Variants in FLACC1 observed in about 807,000 individuals in gnomAD.
FLACC1 encodes the protein flagellum-associated coiled-coil domain-containing protein 1.
A neutral mutation model predicts 62.8 loss-of-function variants in FLACC1; 66 were observed. The ratio of observed to expected loss-of-function variants is 1.05; its 90% confidence interval spans 0.86 to 1.29. The LOEUF (loss-of-function observed/expected upper bound fraction) is 1.29. Among genes scored for constraint, FLACC1 ranks in the 50% most tolerant of loss-of-function variants. The pLI is 0.00. For missense variants in FLACC1, 452 were observed against 489.1 expected (o/e 0.92, Z 0.71); for synonymous variants, 156 against 161.0 (o/e 0.97, Z 0.24).
chr2:201,350,749 G>A lies in FLACC1; in HGVS notation c.147C>T (p.His49=). Reference sequence around the variant, plus strand: ...CAGGTTTTGTTGGTTGGAGGTAATTGTGATTTTTTGGAGCTGGTACAAGAG... The same window carrying A: ...CAGGTTTTGTTGGTTGGAGGTAATTATGATTTTTTGGAGCTGGTACAAGAG... The part of the protein sequence containing the change: ...LTPLVPAPKN[H]NYLQPTKPVV... Residue 49 remains histidine, a synonymous_variant, in exon 3 of 15, where the codon CAC becomes CAT. Coordinates refer to ENST00000392257, the MANE Select transcript of FLACC1 (RefSeq NM_001127391.3). The A allele has an allele frequency of 2.5e-6, 4 of 1,613,712 alleles. No individual in the cohort carries two copies. The highest frequency in any genetic ancestry group is 3.4e-6 in the Non-Finnish European group (4 of 1,179,654).
chr2:201,350,912 T>C lies in FLACC1; in HGVS notation c.114-130A>G, dbSNP rs79541842. ...TGCATGATCTGATAGCTGGAATCTT[T>C]AAAATCTGAGGCCTTTAAAACTCAG... On this transcript the variant is annotated intron_variant, in intron 2 of 14. Transcript: ENST00000392257. 1.7e-3 allele frequency: 1,277 copies of C among 771,576 alleles called. 2 individuals carry two copies. The highest frequency in any genetic ancestry group is 2.3e-3 in the Non-Finnish European group (1,088 of 478,482). 47.8% of individuals were successfully genotyped at this position (771,576 alleles called of 1,614,324 possible).
chr2:201,334,157 T>C (rs1043114634), intron 7 of FLACC1, among the ~76,000 whole-genome samples: 1 of 140,796 alleles, frequency 7.1e-6, no homozygotes, highest in Non-Finnish European at 1.5e-5. Context: ...ATTTCTCTGA[T>C]GGCCAGTGAA....
chr2:201,307,378 C>T (rs1412278621), intron 11 of FLACC1, 141 bp downstream of exon 11: 1 of 681,860 alleles, frequency 1.5e-6, no homozygotes, highest in Admixed American at 2.4e-5. Flanking sequence ...AGTCTATTTG[C>T]ATACATTTCC....
chr2:201,348,195 T>C (rs1950955584), intron 4 of FLACC1, 59 bp downstream of exon 4: 1 of 1,540,648 alleles, frequency 6.5e-7, no homozygotes, highest in Non-Finnish European at 8.9e-7. Context: ...GGCCCATGCT[T>C]GCACATAGTA....
Position 201,307,755 on chromosome 2 carries a change from G to A in FLACC1, c.776-133C>T, listed in dbSNP as rs972483808. The A allele has an allele frequency of 1.3e-5, 9 of 704,296 alleles. No individual in the cohort carries two copies. In the African/African-American group the frequency reaches 1.6e-4, roughly 12 times the overall value. The allele number at this position is 704,296 out of a possible 1,614,324, so 43.6% of individuals were successfully genotyped here. A position where few individuals can be genotyped will look rare whatever the true frequency, so the allele number is the denominator to read the frequency against. On this transcript the variant is annotated intron_variant, in intron 10 of 14. Transcript: ENST00000392257. Reference sequence around the variant, plus strand: ...TCAAGGTCATTGCAGCCTGGTGTTTGGCCTCTGACACTCACCTGAAGGTGC... The same window carrying A: ...TCAAGGTCATTGCAGCCTGGTGTTTAGCCTCTGACACTCACCTGAAGGTGC...
intron 7 of FLACC1, among the ~76,000 whole-genome samples, chr2:201,338,282 T>A (rs1219184344): frequency 2.6e-5 from 4 of 152,342 alleles, no homozygotes; most frequent in Admixed American, 6.5e-5. Flanking sequence ...AATTTATTAG[T>A]TCTAAGAGTT....
chr2:201,346,901 G>A lies in FLACC1; in HGVS notation c.235-226C>T, dbSNP rs1421335768. Among the ~76,000 whole-genome samples, 5 of 152,060 alleles carry A rather than the reference G, an allele frequency of 3.3e-5. No individual in the cohort carries two copies. Among genetic ancestry groups the A allele is most frequent in the African/African-American group, 1.2e-4 (5 of 41,392 alleles). On this transcript the variant is annotated intron_variant, in intron 4 of 14. Transcript: ENST00000392257. The surrounding 1 kb of genome is among the most constrained non-coding windows in gnomAD (Gnocchi z 4.0). ...TCCCTAGGGGCCTCTCAAGCTCTGC[G>A]CCAAACCAAGCCACTGATGCCCCTG...
At chr2:201,300,215 AC>A (rs1330048364) in intron 11 of FLACC1, among the ~76,000 whole-genome samples, 2 of 152,062 alleles carry the variant, frequency 1.3e-5, no homozygotes, top group African/African-American at 4.8e-5. Flanking sequence ...AAATCGGGTC[AC>A]TCCCACCCTA....
intron 7 of FLACC1, among the ~76,000 whole-genome samples, chr2:201,340,110 A>T (rs571373580): frequency 1.3e-5 from 2 of 152,206 alleles, no homozygotes; most frequent in Admixed American, 1.3e-4. Flanking sequence ...CCCTGGGAGG[A>T]GTGCTCATGT....
At chr2:201,355,347 G>T (rs1409213339) in intron 1 of FLACC1, among the ~76,000 whole-genome samples, 2 of 152,086 alleles carry the variant, frequency 1.3e-5, no homozygotes, top group African/African-American at 4.8e-5. Flanking sequence ...AGATGAAACT[G>T]CCAAAATGTT....
intron 11 of FLACC1, among the ~76,000 whole-genome samples, chr2:201,304,597 G>T (rs1004647784): frequency 3.3e-5 from 5 of 152,084 alleles, no homozygotes; most frequent in Non-Finnish European, 7.4e-5. Flanking sequence ...TGGTTCATTT[G>T]GAACCATAAA....
chr2:201,307,958 AGCTCTTG>A lies in FLACC1; in HGVS notation c.776-343_776-337del, dbSNP rs537332715. On this transcript the variant is annotated intron_variant, in intron 10 of 14. Coordinates refer to ENST00000392257, the MANE Select transcript of FLACC1 (RefSeq NM_001127391.3). ...CATGGATATCCTTATCTTAAAATAA[AGCTCTTG>A]GCTAACATTACTTTGCCAGCAATAA... Among the ~76,000 whole-genome samples the A allele has an allele frequency of 4.8e-4, 73 of 152,350 alleles. 2 individuals carry two copies. The South Asian group carries it at 0.012, about 26-fold the overall frequency.
chr2:201,329,795 G>A (rs947543630), intron 9 of FLACC1, among the ~76,000 whole-genome samples: 13 of 152,144 alleles, frequency 8.5e-5, no homozygotes, highest in Non-Finnish European at 5.9e-5. Context: ...TCACCAGCTG[G>A]GTAATGAGAT....
chr2:201,355,579 C>T (rs956793566), intron 1 of FLACC1, among the ~76,000 whole-genome samples: 2 of 151,600 alleles, frequency 1.3e-5, no homozygotes, highest in Admixed American at 6.6e-5. Flanking sequence ...AAGAAGGCCT[C>T]ACAGGTGTGG....
At chr2:201,313,839 G>C (rs1950261472) in intron 9 of FLACC1, among the ~76,000 whole-genome samples, 1 of 152,142 alleles carries the variant, frequency 6.6e-6, no homozygotes, top group South Asian at 2.1e-4. Context: ...ACCAGAGCAG[G>C]TACTGGTATC....
intron 9 of FLACC1, among the ~76,000 whole-genome samples, chr2:201,321,795 A>T (rs1447250960): frequency 6.6e-6 from 1 of 152,014 alleles, no homozygotes; most frequent in Non-Finnish European, 1.5e-5. Flanking sequence ...GGTGGCTCCA[A>T]CCCTTACCCC....
At chr2:201,312,337 CA>C (rs1950232692) in intron 9 of FLACC1, among the ~76,000 whole-genome samples, 1 of 152,064 alleles carries the variant, frequency 6.6e-6, no homozygotes, top group Non-Finnish European at 1.5e-5. Context: ...ACTATAGACA[CA>C]AAAAGAATAA....
chr2:201,326,164 C>T lies in FLACC1; in HGVS notation c.675+4306G>A, dbSNP rs576866596. 4.1e-4 allele frequency among the ~76,000 whole-genome samples: 62 copies of T among 152,188 alleles called. No homozygotes were observed. Among genetic ancestry groups the T allele is most frequent in the Non-Finnish European group, 2.8e-4 (19 of 67,984 alleles). On this transcript the variant is annotated intron_variant, in intron 9 of 14. Transcript: ENST00000392257. The surrounding 1 kb of genome is among the most constrained non-coding windows in gnomAD (Gnocchi z 4.1). ...ACAAACTAGGCATAGAAGGGACCTA[C>T]CTCAATAATAAAAGCCATATGTGAC...
At chr2:201,359,423 C>G (rs911932120), upstream of FLACC1, among the ~76,000 whole-genome samples, 1 of 152,018 alleles carries the variant, frequency 6.6e-6, no homozygotes, top group Non-Finnish European at 1.5e-5. Flanking sequence ...TATTCCAAGC[C>G]AAGGGAGCGA....
Sources: allele counts gnomAD v4.1 joint callset (sites outside exome capture counted in the v4.1 genomes callset), GRCh38; gene constraint gnomAD v4.1.1; non-coding constraint Gnocchi (gnomAD v3.1); transcripts MANE v1.5; gene names NCBI Gene and HGNC (gene_info 2026-07-23, HGNC 2026-07-21).